The following DUSP11 variants were observed in gnomAD, a reference collection of about 807,000 sequenced individuals.
The protein encoded by DUSP11 is dual specificity phosphatase 11.
DUSP11 carries 27 observed loss-of-function variants against 41.4 expected under a neutral mutation model. That is an observed-to-expected ratio of 0.65 (90% CI 0.48 to 0.90). The LOEUF (loss-of-function observed/expected upper bound fraction) is 0.90. DUSP11 is among the 40% of genes least tolerant of loss of function. The pLI, the probability that DUSP11 is intolerant of heterozygous loss-of-function variation, is 0.00. For synonymous variants in DUSP11, 188 were observed against 159.3 expected (o/e 1.18, Z -1.35); for missense variants, 465 against 461.1 (o/e 1.01, Z -0.08).
At chr2:73,779,002 T>A (rs973272222) in intron 1 of DUSP11, among the ~76,000 whole-genome samples, 4 of 151,962 alleles carry the variant, frequency 2.6e-5, no homozygotes, top group African/African-American at 9.7e-5. Context: ...ACAAAAAAAA[T>A]TAGCCGGGTG....
chr2:73,775,624 G>A (rs1200425037), intron 2 of DUSP11, among the ~76,000 whole-genome samples: 1 of 150,644 alleles, frequency 6.6e-6, no homozygotes, highest in Non-Finnish European at 1.5e-5. Flanking sequence ...GGGAGGCCAA[G>A]GCGGGAGGAT....
At chr2:73,763,614 T>C (rs1468766733) in intron 8 of DUSP11, among the ~76,000 whole-genome samples, 2 of 151,866 alleles carry the variant, frequency 1.3e-5, no homozygotes, top group Admixed American at 6.6e-5. Flanking sequence ...TCCCAGCTAC[T>C]GGGGAGGCTG....
chr2:73,765,145 G>C (rs896148652), intron 8 of DUSP11, among the ~76,000 whole-genome samples: 1 of 152,144 alleles, frequency 6.6e-6, no homozygotes, highest in African/African-American at 2.4e-5. Flanking sequence ...TGTGTGAGTG[G>C]GTGGACTGAG....
intron 2 of DUSP11, among the ~76,000 whole-genome samples, chr2:73,777,109 CAG>C (rs2103949902): frequency 6.6e-6 from 1 of 152,252 alleles, no homozygotes; most frequent in South Asian, 2.1e-4. Flanking sequence ...GCCTCCTGAG[CAG>C]CTGAGACTAC....
chr2:73,767,067 C>G (rs1181411466), intron 6 of DUSP11, 94 bp downstream of exon 6: 3 of 1,388,974 alleles, frequency 2.2e-6, no homozygotes, highest in East Asian at 2.3e-5. Context: ...AAACGAATTA[C>G]AAACTTCTTT....
At chr2:73,767,038 G>T in intron 6 of DUSP11, 123 bp downstream of exon 6, 1 of 1,253,898 alleles carries the variant, frequency 8.0e-7, no homozygotes, top group Non-Finnish European at 1.2e-6. Context: ...CTTTTGGCAA[G>T]ACTATCTTAT....
At chr2:73,768,498 T>C in intron 5 of DUSP11, 1 of 985,412 alleles carries the variant, frequency 1.0e-6, no homozygotes, top group African/African-American at 1.7e-5. Flanking sequence ...ACACATACTA[T>C]TTGATTAAGA....
At chr2:73,778,182 A>G in intron 2 of DUSP11, 119 bp downstream of exon 2, 2 of 599,810 alleles carry the variant, frequency 3.3e-6, no homozygotes, top group South Asian at 2.5e-5. Context: ...AGGATAGTAA[A>G]GGGGTCATTA....
At chr2:73,766,689 T>C in intron 7 of DUSP11, 95 bp from the exon 8 acceptor site, 2 of 1,415,194 alleles carry the variant, frequency 1.4e-6, no homozygotes, top group South Asian at 2.6e-5. Flanking sequence ...AACAATTTCT[T>C]CCTTCTCCCA....
chr2:73,768,551 G>A (rs1029772975), intron 5 of DUSP11: 63 of 985,206 alleles, frequency 6.4e-5, no homozygotes, highest in Non-Finnish European at 7.5e-5. Flanking sequence ...TATGAGATAT[G>A]CATTCAAAAA....
At chr2:73,772,350 G>T (rs1191337002) in intron 4 of DUSP11, among the ~76,000 whole-genome samples, 3 of 152,122 alleles carry the variant, frequency 2.0e-5, no homozygotes, top group African/African-American at 7.2e-5. Context: ...TTATCTGTGG[G>T]AAGGGATTAT....
chr2:73,774,878 GA>G, intron 3 of DUSP11, 34 bp downstream of exon 3: 1 of 1,484,654 alleles, frequency 6.7e-7, no homozygotes. Flanking sequence ...GGATCAGAAG[GA>G]AGAAAGTTCT....
At chr2:73,776,486 C>T (rs1672689356) in intron 2 of DUSP11, among the ~76,000 whole-genome samples, 2 of 150,928 alleles carry the variant, frequency 1.3e-5, no homozygotes, top group South Asian at 4.2e-4. Flanking sequence ...GCCAAAAGGA[C>T]AGATAGTTCC....
Position 73,766,815 on chromosome 2 carries a change from A to C in DUSP11, c.758+13T>G. 6.3e-7 allele frequency: 1 copy of C among 1,595,066 alleles called. No individual in the cohort carries two copies. Among genetic ancestry groups the C allele is most frequent in the East Asian group, 2.2e-5 (1 of 44,750 alleles). On this transcript the variant is annotated intron_variant, in intron 7 of 8. Coordinates refer to ENST00000272444, the Ensembl canonical transcript of DUSP11. ...CTGACCCACAAATCTCACATATATA[A>C]CATAAGACTTACTTTCTGATAGGAC...
At chr2:73,778,517 T>C in intron 1 of DUSP11, 141 bp from the exon 2 acceptor site, 1 of 513,740 alleles carries the variant, frequency 1.9e-6, no homozygotes, top group African/African-American at 2.0e-5. Flanking sequence ...ACTCCACTTA[T>C]TAAACCCCAC....
At chr2:73,777,917 AT>A (rs1227413114) in intron 2 of DUSP11, among the ~76,000 whole-genome samples, 1 of 152,164 alleles carries the variant, frequency 6.6e-6, no homozygotes, top group African/African-American at 2.4e-5. Flanking sequence ...TTGGAAATCT[AT>A]TACAGAAACT....
At chr2:73,766,577 A>C in exon 8 of DUSP11, 1 of 1,608,444 alleles carries the variant, frequency 6.2e-7, no homozygotes, top group Non-Finnish European at 8.5e-7. Flanking sequence ...TGACCTGGGT[A>C]CACTGGAATT....
intron 5 of DUSP11, chr2:73,768,669 G>A: frequency 2.0e-6 from 2 of 985,332 alleles, no homozygotes; most frequent in South Asian, 9.4e-5. Context: ...AAAGAATAAG[G>A]AGTCTGGCCA....
intron 6 of DUSP11, 47 bp downstream of exon 6, chr2:73,767,114 C>T (rs974398127): frequency 1.3e-6 from 2 of 1,538,182 alleles, no homozygotes; most frequent in Admixed American, 3.6e-5. Flanking sequence ...ACATTTCCAC[C>T]TTTAACTTTA....
Sources: allele counts gnomAD v4.1 joint callset (sites outside exome capture counted in the v4.1 genomes callset), GRCh38; gene constraint gnomAD v4.1.1; transcripts MANE v1.5; gene names NCBI Gene and HGNC (gene_info 2026-07-23, HGNC 2026-07-21).